The following CCDC88A variants were observed in gnomAD, a reference collection of about 807,000 sequenced individuals.
CCDC88A encodes the protein girdin.
Under a neutral mutation model 234.3 loss-of-function variants are expected in CCDC88A, and 54 were observed. The ratio of observed to expected loss-of-function variants is 0.23; its 90% confidence interval spans 0.19 to 0.29. CCDC88A has a LOEUF of 0.29. CCDC88A is among the 10% of genes least tolerant of loss of function. The probability of loss-of-function intolerance (pLI) is 1.00; values close to 1 mark genes in which losing one functional copy is unlikely to be tolerated. For synonymous variants in CCDC88A, 753 were observed against 737.8 expected (o/e 1.02, Z -0.33); for missense variants, 1,832 against 2,123.4 (o/e 0.86, Z 2.70).
At chr2:55,417,569 T>C (rs1681697720) in intron 2 of CCDC88A, 2 of 151,942 alleles carry the variant, frequency 1.3e-5, no homozygotes, top group Non-Finnish European at 2.9e-5. Context: ...AAAAAATAAA[T>C]ATATACATAT....
chr2:55,302,806 G>C (rs560466244), intron 26 of CCDC88A: 1 of 250,260 alleles, frequency 4.0e-6, no homozygotes, highest in African/African-American at 2.2e-5. Context: ...TTTTTTTCCT[G>C]CCAATTTTTA....
At chr2:55,410,495 G>A (rs1357573894) in intron 2 of CCDC88A, among the ~76,000 whole-genome samples, 1 of 152,198 alleles carries the variant, frequency 6.6e-6, no homozygotes, top group Non-Finnish European at 1.5e-5. Context: ...GCCTATTGTG[G>A]TAAATGGATG....
At chr2:55,408,051 C>T (rs1679900167) in intron 2 of CCDC88A, among the ~76,000 whole-genome samples, 1 of 151,890 alleles carries the variant, frequency 6.6e-6, no homozygotes, top group Admixed American at 6.6e-5. Flanking sequence ...TAACTTCTAC[C>T]TCTAGTGTTA....
rs536264460 is a variant in CCDC88A, at chr2:55,303,738, G to A, written c.4388-586C>T. 6.6e-5 allele frequency among the ~76,000 whole-genome samples: 10 copies of A among 152,206 alleles called. No homozygotes were observed. In the South Asian group the frequency reaches 1.9e-3, roughly 28 times the overall value. Reference sequence around the variant, plus strand: ...TTACAGTCCTATAAAAACAGGAACTGATTAGAATTATTTATGCAGGGATCA... The same window carrying A: ...TTACAGTCCTATAAAAACAGGAACTAATTAGAATTATTTATGCAGGGATCA... On this transcript the variant is annotated intron_variant, in intron 25 of 32. Transcript: ENST00000436346.
At chr2:55,343,242 C>T (rs190012676) in intron 12 of CCDC88A, among the ~76,000 whole-genome samples, 48 of 152,144 alleles carry the variant, frequency 3.2e-4, no homozygotes, top group African/African-American at 1.0e-3. Flanking sequence ...CTATATTTTC[C>T]TCTGAAAATT....
intron 8 of CCDC88A, among the ~76,000 whole-genome samples, chr2:55,352,423 T>C (rs1312420016): frequency 8.7e-6 from 1 of 114,296 alleles, no homozygotes; most frequent in Non-Finnish European, 1.8e-5. Context: ...TGAGACTCCA[T>C]CTCAAAAAAA....
At chr2:55,350,497 T>A (rs1189251627) in intron 8 of CCDC88A, 1 of 151,856 alleles carries the variant, frequency 6.6e-6, no homozygotes, top group Non-Finnish European at 1.5e-5. Context: ...CCACTTACTA[T>A]CTCTACTTTT....
intron 5 of CCDC88A, among the ~76,000 whole-genome samples, chr2:55,367,811 G>T (rs778069273): frequency 6.6e-6 from 1 of 152,000 alleles, no homozygotes; most frequent in Admixed American, 6.6e-5. Flanking sequence ...ACTAACGGTA[G>T]ATTCCTTCTA....
chr2:55,379,995 G>A (rs1399916101), intron 3 of CCDC88A, among the ~76,000 whole-genome samples: 7 of 150,136 alleles, frequency 4.7e-5, no homozygotes, highest in African/African-American at 1.5e-4. Context: ...AAGTCAAGGC[G>A]GGTGGATCAC....
At chr2:55,359,829 G>A (rs1257478802) in intron 7 of CCDC88A, among the ~76,000 whole-genome samples, 6 of 130,440 alleles carry the variant, frequency 4.6e-5, no homozygotes, top group East Asian at 5.4e-4. Flanking sequence ...ACTGAAGAAT[G>A]AACATAAAAA....
At chr2:55,389,196 A>G (rs1676187916) in intron 2 of CCDC88A, among the ~76,000 whole-genome samples, 1 of 152,238 alleles carries the variant, frequency 6.6e-6, no homozygotes, top group Non-Finnish European at 1.5e-5. Context: ...TTGAATATAT[A>G]GTTCTATCAC....
intron 25 of CCDC88A, among the ~76,000 whole-genome samples, chr2:55,303,965 A>G (rs1311448662): frequency 6.6e-6 from 1 of 152,234 alleles, no homozygotes; most frequent in Non-Finnish European, 1.5e-5. Flanking sequence ...TTTTATTAAT[A>G]TAAAGCAACA....
chr2:55,401,661 A>C (rs1678729257), intron 2 of CCDC88A, among the ~76,000 whole-genome samples: 1 of 151,218 alleles, frequency 6.6e-6, no homozygotes, highest in South Asian at 2.1e-4. Flanking sequence ...ACATATATTA[A>C]CTATCTTGAA....
At chr2:55,348,774 A>G (rs1468444535) in intron 9 of CCDC88A, 3 of 152,244 alleles carry the variant, frequency 2.0e-5, no homozygotes, top group Non-Finnish European at 4.4e-5. Flanking sequence ...CCTGCTGCCA[A>G]CAAGTAGAAA....
rs551331007 is a variant in CCDC88A, at chr2:55,317,410, G to C, written c.3603-61C>G. On this transcript the variant is annotated intron_variant, in intron 20 of 32. Transcript: ENST00000436346. The surrounding 1 kb of genome is among the most constrained non-coding windows in gnomAD (Gnocchi z 4.2). ...ACAAAAAAGAAATTTTAGAAATGAA[G>C]GAAATGAGTAATGAGTATCATTTAA... 1.5e-6 allele frequency: 2 copies of C among 1,297,676 alleles called. No homozygotes were observed. Among genetic ancestry groups the C allele is most frequent in the Admixed American group, 2.6e-5 (1 of 38,484 alleles). 80.4% of individuals were successfully genotyped at this position (1,297,676 alleles called of 1,614,324 possible).
rs1048745757 is a variant in CCDC88A at position 55,295,821 on chromosome 2, C to G, written c.5327G>C (p.Gly1776Ala). The change falls in exon 31 of 33, where the codon GGC becomes GCC. Residue 1776 changes from glycine (G) to alanine (A), a missense_variant. Transcript: ENST00000436346. ...TACTAATTTTATTTTTCCTTGAGTG[C>G]CTGGTGTAGGTTTTCCCGCAGAACT... ...FISSAGKPTPGTQGKIKLVKE... is the reference protein window; with the variant it reads ...FISSAGKPTPATQGKIKLVKE... 1.7e-5 allele frequency: 28 copies of G among 1,613,878 alleles called. No homozygotes were observed. Among genetic ancestry groups the G allele is most frequent in the African/African-American group, 1.2e-4 (9 of 74,892 alleles).
rs528925951 is a variant in CCDC88A, at chr2:55,372,544, T to G, written c.344-34A>C. Reference sequence around the variant, plus strand: ...GAAACAATTATTAAGGACAACATTCTGCTATATTTTCAACTCTATTATATT... The same window carrying G: ...GAAACAATTATTAAGGACAACATTCGGCTATATTTTCAACTCTATTATATT... On this transcript the variant is annotated intron_variant, in intron 4 of 32. Coordinates refer to ENST00000436346, the MANE Select transcript of CCDC88A (RefSeq NM_001365480.1). 2.5e-5 allele frequency: 25 copies of G among 1,015,602 alleles called. No individual in the cohort carries two copies. In the East Asian group the frequency reaches 4.8e-4, roughly 20 times the overall value. 62.9% of individuals were successfully genotyped at this position (1,015,602 alleles called of 1,614,324 possible).
intron 2 of CCDC88A, chr2:55,403,926 T>A (rs1679139457): frequency 6.6e-6 from 1 of 152,230 alleles, no homozygotes; most frequent in Non-Finnish European, 1.5e-5. Context: ...TTAATTTGTT[T>A]TAATCAGTAT....
Position 55,389,052 on chromosome 2 carries a change from G to A in CCDC88A, c.165-166C>T, listed in dbSNP as rs529090057. 7.2e-5 allele frequency among the ~76,000 whole-genome samples: 11 copies of A among 152,244 alleles called. No homozygotes were observed. The South Asian group carries it at 1.7e-3, about 23-fold the overall frequency. The stretch of plus-strand genomic sequence containing the variant: ...AGATTATTACTTTGACATGTATTCC[G>A]TGCTTCTAATTAATACAAATGCAAC... On this transcript the variant is annotated intron_variant, in intron 2 of 32. Transcript: ENST00000436346.
Sources: gnomAD v4.1 joint callset for allele counts (sites outside exome capture counted in the v4.1 genomes callset) on GRCh38, gnomAD v4.1.1 for gene constraint, Gnocchi (gnomAD v3.1) non-coding constraint, MANE v1.5 for transcripts, NCBI Gene and HGNC (gene_info 2026-07-23, HGNC 2026-07-21) for gene names.